Variants in RBFOX1 observed in about 807,000 individuals in gnomAD.
The protein encoded by RBFOX1 is RNA binding protein fox-1 homolog 1.
Under a neutral mutation model 57.7 loss-of-function variants are expected in RBFOX1, and 8 were observed. The observed-to-expected ratio is 0.14, with a 90% CI of 0.08 to 0.25. The LOEUF is 0.25. RBFOX1 is among the 10% of genes least tolerant of loss of function. RBFOX1 has a pLI of 1.00. For synonymous variants in RBFOX1, 326 were observed against 222.4 expected, an observed-to-expected ratio of 1.47 and a Z score of -4.15; for missense variants, 611 against 548.5, an observed-to-expected ratio of 1.11 and a Z score of -1.14.
intron 4 of RBFOX1, among the ~76,000 whole-genome samples, chr16:7,407,747 C>T (rs1374348900): frequency 6.6e-6 from 1 of 152,190 alleles, no homozygotes; most frequent in East Asian, 1.9e-4. Context: ...CAAGTCTTCA[C>T]AGTGCCTTCT....
intron 2 of RBFOX1, among the ~76,000 whole-genome samples, chr16:6,326,773 C>T (rs554565049): frequency 8.5e-5 from 12 of 141,878 alleles, no homozygotes; most frequent in Middle Eastern, 7.0e-3. Context: ...GACTAGTGAT[C>T]GGTGTCCTCC....
At chr16:6,507,507 CAA>C (rs57685233) in intron 2 of RBFOX1, among the ~76,000 whole-genome samples, 18,404 of 96,552 alleles carry the variant, frequency 0.19, 980 homozygotes, top group Middle Eastern at 0.33. Context: ...CCTATCTGTA[CAA>C]AAAAAAAAAA....
chr16:6,195,085 G>C (rs890583660), intron 1 of RBFOX1, among the ~76,000 whole-genome samples: 1 of 152,132 alleles, frequency 6.6e-6, no homozygotes, highest in African/African-American at 2.4e-5. Context: ...TAAGATGTTA[G>C]GGTTCACAGT....
intron 4 of RBFOX1, among the ~76,000 whole-genome samples, chr16:5,957,559 C>G (rs1421365338): frequency 1.3e-5 from 2 of 152,178 alleles, no homozygotes; most frequent in South Asian, 2.1e-4. Context: ...AGGTCAATTT[C>G]TGGAGCAGCT....
At chr16:6,682,985 G>A (rs921564869) in intron 3 of RBFOX1, among the ~76,000 whole-genome samples, 3 of 151,976 alleles carry the variant, frequency 2.0e-5, no homozygotes, top group Admixed American at 1.3e-4. Context: ...GCAGTGTTGA[G>A]TGCTTTACAC....
chr16:6,500,088 T>C (rs1246513228), intron 2 of RBFOX1, among the ~76,000 whole-genome samples: 1 of 152,180 alleles, frequency 6.6e-6, no homozygotes, highest in Non-Finnish European at 1.5e-5. Context: ...TTTCCTTTGG[T>C]TAAAAAACAA....
intron 4 of RBFOX1, among the ~76,000 whole-genome samples, chr16:7,211,685 C>A (rs922576980): frequency 6.6e-6 from 1 of 152,064 alleles, no homozygotes; most frequent in African/African-American, 2.4e-5. Context: ...TACACTGATT[C>A]CTGCCCTGGG....
In RBFOX1 at chr16:5,924,762, A is replaced by C. The variant is rs573581765; in HGVS notation, c.351+57427A>C. On this transcript the variant is annotated intron_variant, in intron 4 of 19. Coordinates refer to the RBFOX1 transcript ENST00000641259. ...TACCTTTCCAGGAATCATTCTGACCATGTGAGTCTTATCTTCATGATTTTT... is the reference window on the plus strand; with the variant it reads ...TACCTTTCCAGGAATCATTCTGACCCTGTGAGTCTTATCTTCATGATTTTT... Among the ~76,000 whole-genome samples the C allele has an allele frequency of 5.9e-5, 9 of 152,294 alleles. No individual in the cohort carries two copies. In the East Asian group the frequency reaches 1.7e-3, roughly 29 times the overall value.
At chr16:6,551,861 T>C (rs980892272) in intron 2 of RBFOX1, among the ~76,000 whole-genome samples, 1 of 152,218 alleles carries the variant, frequency 6.6e-6, no homozygotes, top group Non-Finnish European at 1.5e-5. Flanking sequence ...TCTCAGTGCG[T>C]TGGTCATTTC....
In RBFOX1 at chr16:7,273,172, C is replaced by CCCTCCCTTCCTT. The variant is rs1192199369; in HGVS notation, c.27+221094_27+221105dup. 6.8e-4 allele frequency among the ~76,000 whole-genome samples: 65 copies of CCCTCCCTTCCTT among 95,810 alleles called. 11 individuals carry two copies. The highest frequency in any genetic ancestry group is 2.5e-3 in the African/African-American group (54 of 21,838). The allele number at this position is 95,810 out of a possible 152,430, so 62.9% of individuals were successfully genotyped here. A position where few individuals can be genotyped will look rare whatever the true frequency, so the allele number is the denominator to read the frequency against. ...CTTTCTCCTTCCTTCTTTCCTCTCT[C>CCCTCCCTTCCTT]CCTCCCTTCCTTCCTCCCTTCCTTC... On this transcript the variant is annotated intron_variant, in intron 4 of 15. Transcript: ENST00000550418.
At chr16:6,232,661 A>G (rs942431224) in intron 1 of RBFOX1, among the ~76,000 whole-genome samples, 3 of 152,202 alleles carry the variant, frequency 2.0e-5, no homozygotes, top group Admixed American at 6.5e-5. Context: ...GGAAGATCGG[A>G]GTCCTTAGGT....
chr16:7,256,346 C>A (rs1020800620), intron 4 of RBFOX1, among the ~76,000 whole-genome samples: 28 of 152,258 alleles, frequency 1.8e-4, no homozygotes, highest in African/African-American at 4.8e-4. Flanking sequence ...ACCATTCCTA[C>A]CAGAAGTTCT....
At chr16:6,524,536 A>G (rs1295806616) in intron 2 of RBFOX1, among the ~76,000 whole-genome samples, 1 of 152,172 alleles carries the variant, frequency 6.6e-6, no homozygotes, top group Non-Finnish European at 1.5e-5. Context: ...GATGAGGGTA[A>G]GGGTACCACA....
chr16:7,257,162 C>A (rs116975073), intron 4 of RBFOX1, among the ~76,000 whole-genome samples: 1 of 152,308 alleles, frequency 6.6e-6, no homozygotes, highest in Non-Finnish European at 1.5e-5. Flanking sequence ...TCCGGTCCAA[C>A]TGTTTCTCTA....
At chr16:7,387,577 A>C (rs761592766) in intron 4 of RBFOX1, among the ~76,000 whole-genome samples, 1 of 152,172 alleles carries the variant, frequency 6.6e-6, no homozygotes, top group African/African-American at 2.4e-5. Flanking sequence ...AAATAAATCC[A>C]TACGCCTTCA....
chr16:5,285,931 C>G (rs1420169458), intron 1 of RBFOX1, among the ~76,000 whole-genome samples: 1 of 152,156 alleles, frequency 6.6e-6, no homozygotes, highest in Non-Finnish European at 1.5e-5. Flanking sequence ...GCCACCACAC[C>G]TGGCTAATTT....
Position 7,032,252 on chromosome 16 carries a change from C to T in RBFOX1, c.-15-19805C>T, listed in dbSNP as rs1041974638. ...CCAGACTGACCAACATGGTGAAACC[C>T]CATCTCTACTAAAAAAACAAAAACA... On this transcript the variant is annotated intron_variant, in intron 3 of 15. Transcript: ENST00000550418. Among the ~76,000 whole-genome samples the T allele has an allele frequency of 3.3e-5, 5 of 151,978 alleles. No individual in the cohort carries two copies. The South Asian group carries it at 1.0e-3, about 32-fold the overall frequency.
intron 1 of RBFOX1, among the ~76,000 whole-genome samples, chr16:6,229,349 C>G (rs956770861): frequency 2.6e-5 from 4 of 152,220 alleles, no homozygotes; most frequent in African/African-American, 9.6e-5. Flanking sequence ...AGTGCAGAAA[C>G]TAGATCTCTC....
At chr16:6,620,473 A>G (rs754031402) in intron 2 of RBFOX1, among the ~76,000 whole-genome samples, 57 of 152,218 alleles carry the variant, frequency 3.7e-4, no homozygotes, top group Non-Finnish European at 6.9e-4. Context: ...CAAAGCTAGC[A>G]GAAGACAGGA....
Sources: gnomAD v4.1 joint callset for allele counts (sites outside exome capture counted in the v4.1 genomes callset) on GRCh38, gnomAD v4.1.1 for gene constraint, MANE v1.5 for transcripts, NCBI Gene and HGNC (gene_info 2026-07-23, HGNC 2026-07-21) for gene names.